The following FARP1 variants were observed in gnomAD, a reference collection of about 807,000 sequenced individuals.
FARP1 encodes the protein FERM, ARH/RhoGEF and pleckstrin domain protein 1.
In FARP1, 52 loss-of-function variants were observed where a neutral mutation model predicts 128.8. The ratio of observed to expected loss-of-function variants is 0.40; its 90% confidence interval spans 0.32 to 0.51. The LOEUF (loss-of-function observed/expected upper bound fraction) is 0.51. Among genes scored for constraint, FARP1 ranks in the 20% least tolerant of loss-of-function variants. FARP1 has a pLI of 0.45. For missense variants in FARP1, 1,333 were observed against 1,367.9 expected, an observed-to-expected ratio of 0.97 and a Z score of 0.40; for synonymous variants, 580 against 551.8, an observed-to-expected ratio of 1.05 and a Z score of -0.72.
In FARP1 at chr13:98,318,213, A is replaced by G. The variant is rs551248376; in HGVS notation, c.172-25549A>G. ...TGTGACTACAGGCATGCACCACCAC[A>G]CCTGGCTAATTTTTGTATTTTTTTT... On this transcript the variant is annotated intron_variant, in intron 2 of 26. Transcript: ENST00000319562. Among the ~76,000 whole-genome samples, 226 of 146,838 alleles carry G rather than the reference A, an allele frequency of 1.5e-3. 1 individual carries two copies. Among genetic ancestry groups the G allele is most frequent in the Non-Finnish European group, 1.8e-3 (122 of 66,366 alleles).
intron 6 of FARP1, among the ~76,000 whole-genome samples, chr13:98,380,584 C>A (rs1020229766): frequency 6.6e-6 from 1 of 151,994 alleles, no homozygotes; most frequent in African/African-American, 2.4e-5. Flanking sequence ...ATATCCCCCC[C>A]AAAATTTTTT....
chr13:98,244,674 G>A (rs1882965553), intron 2 of FARP1: 1 of 1,614,204 alleles, frequency 6.2e-7, no homozygotes, highest in Admixed American at 1.7e-5. Flanking sequence ...AAGCTTAGCG[G>A]TCACAGTCAC....
chr13:98,211,638 G>A (rs1208431867), intron 1 of FARP1, among the ~76,000 whole-genome samples: 1 of 152,128 alleles, frequency 6.6e-6, no homozygotes, highest in Non-Finnish European at 1.5e-5. Flanking sequence ...CACTTCCCAG[G>A]AGTGCCTTTT....
intron 2 of FARP1, among the ~76,000 whole-genome samples, chr13:98,215,517 G>A (rs561416433): frequency 7.2e-5 from 11 of 152,202 alleles, no homozygotes; most frequent in Admixed American, 2.6e-4. Context: ...TAATAAACTC[G>A]ACTTTATACT....
intron 2 of FARP1, among the ~76,000 whole-genome samples, chr13:98,289,756 A>G (rs989267584): frequency 6.6e-6 from 1 of 152,106 alleles, no homozygotes; most frequent in African/African-American, 2.4e-5. Context: ...GGGTTAAGTC[A>G]CTTAGTGTAA....
At chr13:98,253,116 G>A (rs1018268356) in intron 2 of FARP1, among the ~76,000 whole-genome samples, 2 of 152,228 alleles carry the variant, frequency 1.3e-5, no homozygotes, top group Non-Finnish European at 2.9e-5. Flanking sequence ...TGCGACGAAA[G>A]CAATGTTCAA....
chr13:98,420,195 A>C (rs1354901924), intron 16 of FARP1, among the ~76,000 whole-genome samples: 1 of 152,148 alleles, frequency 6.6e-6, no homozygotes, highest in Non-Finnish European at 1.5e-5. Context: ...GGGATGGTGA[A>C]TAGGAGGGCA....
chr13:98,439,178 C>T lies in FARP1; in HGVS notation c.2415C>T (p.Leu805=), dbSNP rs775267632. 2 of 1,613,524 alleles carry T rather than the reference C, an allele frequency of 1.2e-6. No individual in the cohort carries two copies. Among genetic ancestry groups the T allele is most frequent in the East Asian group, 2.2e-5 (1 of 44,878 alleles). The change falls in exon 21 of 27, where the codon CTC becomes CTT. Residue 805 remains leucine, a synonymous_variant. Coordinates refer to ENST00000319562, the MANE Select transcript of FARP1 (RefSeq NM_005766.4). ...ASNQFKVHGQ[L]PLYGMTIEES... ...ATCAGTTTAAAGTCCACGGGCAGCT[C>T]CCGCTCTATGGCATGACGGTGAGTA...
At position 98,198,975 on chromosome 13, in the gene FARP1, A is replaced by C. The variant is rs1266920760; in HGVS notation, c.-23-14245A>C. Among the ~76,000 whole-genome samples the C allele has an allele frequency of 4.7e-4, 3 of 6,410 alleles. No homozygotes were observed. The Admixed American group carries it at 6.6e-3, about 14-fold the overall frequency. The allele number at this position is 6,410 out of a possible 152,430, so 4.2% of individuals were successfully genotyped here. On this transcript the variant is annotated intron_variant, in intron 1 of 26. Transcript: ENST00000319562. ...GCACCTATAGTCCCAGCTACTCGGG[A>C]GTCTGAGGCTGGAGGATTACTGAGC...
At chr13:98,308,999 T>G (rs1453960473) in intron 2 of FARP1, among the ~76,000 whole-genome samples, 1 of 151,416 alleles carries the variant, frequency 6.6e-6, no homozygotes, top group Non-Finnish European at 1.5e-5. Flanking sequence ...TAATTTTATA[T>G]TATAAAATAT....
intron 15 of FARP1, 112 bp downstream of exon 15, chr13:98,410,935 GA>G: frequency 1.8e-6 from 1 of 559,136 alleles, no homozygotes; most frequent in South Asian, 2.8e-5. Flanking sequence ...GACTTCAGTT[GA>G]AAGGATTGTG....
chr13:98,323,416 G>T, intron 2 of FARP1, among the ~76,000 whole-genome samples: 1 of 148,580 alleles, frequency 6.7e-6, no homozygotes, highest in Non-Finnish European at 1.5e-5. Flanking sequence ...TGAGTTTCCT[G>T]CTGGCTTCGG....
intron 2 of FARP1, among the ~76,000 whole-genome samples, chr13:98,245,790 A>G (rs141209454): frequency 5.9e-5 from 9 of 152,128 alleles, no homozygotes; most frequent in Admixed American, 2.6e-4. Flanking sequence ...TTATTTGGAG[A>G]GGGAGTCTCA....
chr13:98,149,043 C>T (rs1875781243), intron 1 of FARP1, among the ~76,000 whole-genome samples: 1 of 151,902 alleles, frequency 6.6e-6, no homozygotes, highest in African/African-American at 2.4e-5. Flanking sequence ...AGCACCACCA[C>T]ACTTGGCTCA....
intron 1 of FARP1, among the ~76,000 whole-genome samples, chr13:98,163,321 G>C (rs2139135843): frequency 6.6e-6 from 1 of 152,276 alleles, no homozygotes; most frequent in Non-Finnish European, 1.5e-5. Context: ...CCTACTTGGA[G>C]AAGGGTGGCA....
At chr13:98,206,226 A>C in intron 1 of FARP1, among the ~76,000 whole-genome samples, 1 of 149,912 alleles carries the variant, frequency 6.7e-6, no homozygotes, top group Admixed American at 6.7e-5. Flanking sequence ...TGATCCTTTC[A>C]ACCTTTGCTA....
At chr13:98,292,661 G>A (rs1162246521) in intron 2 of FARP1, among the ~76,000 whole-genome samples, 1 of 152,210 alleles carries the variant, frequency 6.6e-6, no homozygotes. Context: ...ATTGTATTGG[G>A]CAGTACTGAT....
chr13:98,411,661 G>A (rs1490525220), intron 15 of FARP1, among the ~76,000 whole-genome samples: 1 of 152,242 alleles, frequency 6.6e-6, no homozygotes, highest in African/African-American at 2.4e-5. Flanking sequence ...GGCTTTAACA[G>A]TCAATGGGTA....
intron 1 of FARP1, among the ~76,000 whole-genome samples, chr13:98,164,744 T>C (rs1439974821): frequency 2.0e-5 from 3 of 152,174 alleles, no homozygotes; most frequent in Admixed American, 2.0e-4. Flanking sequence ...ATCTCCAAAA[T>C]AGAGCCATGG....
Sources: gnomAD v4.1 joint callset for allele counts (sites outside exome capture counted in the v4.1 genomes callset) on GRCh38, gnomAD v4.1.1 for gene constraint, MANE v1.5 for transcripts, NCBI Gene and HGNC (gene_info 2026-07-23, HGNC 2026-07-21) for gene names.